ARHGAP31: variants seen among roughly 807,000 people sequenced by gnomAD.
ARHGAP31 encodes the protein rho GTPase-activating protein 31.
ARHGAP31 carries 34 observed loss-of-function variants against 113.9 expected under a neutral mutation model. The observed-to-expected ratio is 0.30, with a 90% CI of 0.23 to 0.40. The LOEUF (loss-of-function observed/expected upper bound fraction) is 0.40, where lower values mean the gene tolerates loss of function less well. ARHGAP31 is among the 10% of genes least tolerant of loss of function. The pLI, the probability that ARHGAP31 is intolerant of heterozygous loss-of-function variation, is 1.00. For missense variants in ARHGAP31, 1,548 were observed against 1,767.1 expected (o/e 0.88, Z 2.22); for synonymous variants, 650 against 684.8 (o/e 0.95, Z 0.79).
chr3:119,337,522 C>G (rs1016111343), intron 1 of ARHGAP31, among the ~76,000 whole-genome samples: 2 of 152,194 alleles, frequency 1.3e-5, no homozygotes, highest in African/African-American at 4.8e-5. Context: ...AATGATTTGC[C>G]ACTGTGGGTG....
At chr3:119,333,254 A>G (rs1468360037) in intron 1 of ARHGAP31, among the ~76,000 whole-genome samples, 1 of 152,176 alleles carries the variant, frequency 6.6e-6, no homozygotes, top group African/African-American at 2.4e-5. Context: ...ATTAATATTA[A>G]TTTTCCACTA....
intron 1 of ARHGAP31, among the ~76,000 whole-genome samples, chr3:119,313,849 T>C (rs1373659901): frequency 6.6e-6 from 1 of 152,252 alleles, no homozygotes; most frequent in Non-Finnish European, 1.5e-5. Flanking sequence ...TTTTTGCAGA[T>C]GCTGTAGCCA....
At chr3:119,322,276 G>A (rs2079795149) in intron 1 of ARHGAP31, among the ~76,000 whole-genome samples, 1 of 152,202 alleles carries the variant, frequency 6.6e-6, no homozygotes, top group Non-Finnish European at 1.5e-5. Flanking sequence ...TGGGACCAGA[G>A]GCTGGAATTT....
rs776194035 is a variant in ARHGAP31, at chr3:119,414,341, G to A, written c.2412G>A (p.Pro804=). ...STPVLLSKGG[P]EREDSSRKLR... is the part of the protein sequence containing the mutation. ...CAGTCCTGCTTTCAAAGGGCGGCCC[G>A]GAAAGAGAAGACTCATCCAGGAAAT... The change falls in exon 12 of 12, where the codon CCG becomes CCA. Residue 804 remains proline, a synonymous_variant. Transcript: ENST00000264245. 1.6e-5 allele frequency: 26 copies of A among 1,614,042 alleles called. No individual in the cohort carries two copies. The Admixed American group carries it at 1.8e-4, about 11-fold the overall frequency.
chr3:119,402,119 C>T lies in ARHGAP31; in HGVS notation c.1367C>T (p.Thr456Ile). The stretch of plus-strand genomic sequence containing the variant: ...CCAAAGATGTTGGGTATGTTCTACA[C>T]TTCGAACGACAGCCCTAGCAAATCC... ...TAPKMLGMFY[T>I]SNDSPSKSVF... The change falls in exon 10 of 12, where the codon ACT (threonine) becomes ATT (isoleucine). Residue 456 changes from threonine to isoleucine, a missense_variant. Thr to Ile is a moderately conservative substitution (Grantham distance 89). Coordinates refer to ENST00000264245, the MANE Select transcript of ARHGAP31 (RefSeq NM_020754.4). The T allele has an allele frequency of 6.2e-7, 1 of 1,614,282 alleles. No individual in the cohort carries two copies. The highest frequency in any genetic ancestry group is 8.5e-7 in the Non-Finnish European group (1 of 1,180,054).
rs889706374 is a variant in ARHGAP31, at chr3:119,387,413, T to A, written c.683-3372T>A. ...AAAGTAATTGCTACAAACTAATGAT[T>A]AATGATATTCATATATAATCATATC... On this transcript the variant is annotated intron_variant, in intron 6 of 11. Coordinates refer to ENST00000264245, the MANE Select transcript of ARHGAP31 (RefSeq NM_020754.4). Among the ~76,000 whole-genome samples, 3 of 152,376 alleles carry A rather than the reference T, an allele frequency of 2.0e-5. No individual in the cohort carries two copies. In the South Asian group the frequency reaches 6.2e-4, roughly 32 times the overall value.
intron 11 of ARHGAP31, among the ~76,000 whole-genome samples, chr3:119,410,225 C>T (rs751460440): frequency 1.3e-5 from 2 of 152,212 alleles, no homozygotes; most frequent in Non-Finnish European, 2.9e-5. Flanking sequence ...TTCCAGGATC[C>T]ATTCTTTCCT....
intron 11 of ARHGAP31, among the ~76,000 whole-genome samples, chr3:119,411,678 A>G (rs931464142): frequency 1.3e-5 from 2 of 152,246 alleles, no homozygotes; most frequent in Non-Finnish European, 2.9e-5. Flanking sequence ...GGCACAGTCT[A>G]GTAGGCAAAA....
In ARHGAP31 at chr3:119,300,144, T is replaced by A. The variant is rs1305951833; in HGVS notation, c.100+5140T>A. On this transcript the variant is annotated intron_variant, in intron 1 of 11. Coordinates refer to ENST00000264245, the MANE Select transcript of ARHGAP31 (RefSeq NM_020754.4). ...CCAGCTGAGTGACCCTGGAGCCAGT[T>A]ATTTACCCTCCCTGGGTCTCAGTGT... Among the ~76,000 whole-genome samples the A allele has an allele frequency of 2.0e-5, 3 of 152,256 alleles. No homozygotes were observed. The East Asian group carries it at 5.8e-4, about 29-fold the overall frequency.
Position 119,409,670 on chromosome 3 carries a change from A to G in ARHGAP31, c.1820A>G (p.Asn607Ser), listed in dbSNP as rs772143701. The G allele has an allele frequency of 6.2e-7, 1 of 1,611,934 alleles. No homozygotes were observed. Among genetic ancestry groups the G allele is most frequent in the Non-Finnish European group, 8.5e-7 (1 of 1,178,932 alleles). ...TTAAATGAATTAGAGAAGAGGCCAA[A>G]TCCGGAGAAGGTGGTGGAGGAGGGA... Reference protein sequence around the residue: ...QHLNELEKRPNPEKVVEEGRE... With the variant: ...QHLNELEKRPSPEKVVEEGRE... The change falls in exon 11 of 12, where the codon AAT becomes AGT. Residue 607 changes from asparagine to serine, a missense_variant. Physicochemically the swap from Asn to Ser is conservative, Grantham distance 46. Coordinates refer to ENST00000264245, the MANE Select transcript of ARHGAP31 (RefSeq NM_020754.4).
intron 1 of ARHGAP31, among the ~76,000 whole-genome samples, chr3:119,336,950 T>C (rs1436146692): frequency 2.6e-5 from 4 of 152,212 alleles, no homozygotes; most frequent in Non-Finnish European, 5.9e-5. Context: ...TTACAATATT[T>C]TCAAGGGATA....
chr3:119,324,119 C>T (rs2079819174), intron 1 of ARHGAP31, among the ~76,000 whole-genome samples: 1 of 152,172 alleles, frequency 6.6e-6, no homozygotes, highest in African/African-American at 2.4e-5. Flanking sequence ...TCTGTTATGC[C>T]CATCTGTATG....
intron 3 of ARHGAP31, among the ~76,000 whole-genome samples, chr3:119,376,387 G>C (rs7640911): frequency 0.29 from 44,434 of 151,892 alleles, 6,765 homozygotes; most frequent in South Asian, 0.35. Flanking sequence ...TACTCGTGAG[G>C]CTAAGGCAGG....
At chr3:119,367,606 C>A (rs2080260756) in intron 2 of ARHGAP31, among the ~76,000 whole-genome samples, 1 of 152,120 alleles carries the variant, frequency 6.6e-6, no homozygotes, top group Non-Finnish European at 1.5e-5. Flanking sequence ...CGCCTGTAAT[C>A]TCAGCACTTT....
intron 1 of ARHGAP31, among the ~76,000 whole-genome samples, chr3:119,320,282 AG>A (rs2079771200): frequency 6.6e-6 from 1 of 152,222 alleles, no homozygotes; most frequent in Non-Finnish European, 1.5e-5. Flanking sequence ...CCAGGGATAC[AG>A]GGCACTTAGA....
intron 1 of ARHGAP31, among the ~76,000 whole-genome samples, chr3:119,359,017 CTT>C (rs202168432): frequency 4.8e-5 from 7 of 145,086 alleles, no homozygotes; most frequent in Admixed American, 2.1e-4. Flanking sequence ...TTGTTTTTAA[CTT>C]TTTTTTTTTT....
chr3:119,397,188 G>A (rs1214670962), intron 8 of ARHGAP31, among the ~76,000 whole-genome samples: 1 of 152,226 alleles, frequency 6.6e-6, no homozygotes, highest in Non-Finnish European at 1.5e-5. Flanking sequence ...TCTCCAGAAA[G>A]GAGGGCAGGG....
chr3:119,363,984 G>A (rs1338950685), intron 1 of ARHGAP31, among the ~76,000 whole-genome samples: 5 of 152,080 alleles, frequency 3.3e-5, no homozygotes, highest in Non-Finnish European at 7.4e-5. Flanking sequence ...AAGTGCATCT[G>A]TCCAGGGACC....
chr3:119,417,750 T>C lies in ARHGAP31; in HGVS notation c.*1486T>C, dbSNP rs1238312990. The C allele has an allele frequency of 6.6e-6, 1 of 152,134 alleles. No individual in the cohort carries two copies. Among genetic ancestry groups the C allele is most frequent in the Non-Finnish European group, 1.5e-5 (1 of 68,032 alleles). The allele number at this position is 152,134 out of a possible 1,614,324, so 9.4% of individuals were successfully genotyped here. A position where few individuals can be genotyped will look rare whatever the true frequency, so the allele number is the denominator to read the frequency against. On this transcript the variant is annotated 3_prime_UTR_variant, in exon 12 of 12. Transcript: ENST00000264245. Reference sequence around the variant, plus strand: ...TATAACTTTCAATGGTTCTTTCCTTTCCAGCTGGCGAGAGAAAGGAGAACT... The same window carrying C: ...TATAACTTTCAATGGTTCTTTCCTTCCCAGCTGGCGAGAGAAAGGAGAACT...
Sources: gnomAD v4.1 joint callset for allele counts (sites outside exome capture counted in the v4.1 genomes callset) on GRCh38, gnomAD v4.1.1 for gene constraint, MANE v1.5 for transcripts, NCBI Gene and HGNC (gene_info 2026-07-23, HGNC 2026-07-21) for gene names.